Variants in CAMKMT observed in about 807,000 individuals in gnomAD.
The protein encoded by CAMKMT is calmodulin-lysine N-methyltransferase, also known as CaM KMT.
Under a neutral mutation model 48.0 loss-of-function variants are expected in CAMKMT, and 53 were observed. The ratio of observed to expected loss-of-function variants is 1.10; its 90% CI spans 0.89 to 1.39. The LOEUF (loss-of-function observed/expected upper bound fraction) is 1.39, where lower values mean the gene tolerates loss of function less well. Among genes scored for constraint, CAMKMT ranks in the 40% most tolerant of loss-of-function variants. The probability of loss-of-function intolerance (pLI) is 0.00; values close to 1 mark genes in which losing one functional copy is unlikely to be tolerated. For synonymous variants in CAMKMT, 165 were observed against 152.3 expected (o/e 1.08, Z -0.61); for missense variants, 428 against 402.7 (o/e 1.06, Z -0.54).
At chr2:44,639,004 A>G (rs1324605569) in intron 3 of CAMKMT, among the ~76,000 whole-genome samples, 5 of 152,190 alleles carry the variant, frequency 3.3e-5, no homozygotes, top group Non-Finnish European at 7.4e-5. Flanking sequence ...GTGCCACAGC[A>G]GGTTTGATCT....
At chr2:44,638,079 A>G (rs898722503) in intron 3 of CAMKMT, among the ~76,000 whole-genome samples, 1 of 151,650 alleles carries the variant, frequency 6.6e-6, no homozygotes. Context: ...AAAAGAGAAA[A>G]AGAAAAAGAA....
At chr2:44,706,684 G>C (rs1365533470) in intron 5 of CAMKMT, among the ~76,000 whole-genome samples, 1 of 151,298 alleles carries the variant, frequency 6.6e-6, no homozygotes, top group Non-Finnish European at 1.5e-5. Context: ...ATCACAGTTG[G>C]AGCACCATGA....
intron 7 of CAMKMT, among the ~76,000 whole-genome samples, chr2:44,739,881 G>A (rs1474276699): frequency 6.6e-6 from 1 of 152,102 alleles, no homozygotes; most frequent in Non-Finnish European, 1.5e-5. Context: ...GAATACTGAT[G>A]GAAGTAATCC....
intron 2 of CAMKMT, among the ~76,000 whole-genome samples, chr2:44,386,737 G>T (rs573335845): frequency 1.3e-5 from 2 of 152,032 alleles, no homozygotes; most frequent in Non-Finnish European, 2.9e-5. Flanking sequence ...TCAGTTCGAA[G>T]AATTTTTTAA....
chr2:44,553,385 C>T (rs1336120008), intron 3 of CAMKMT, among the ~76,000 whole-genome samples: 3 of 144,410 alleles, frequency 2.1e-5, no homozygotes, highest in Non-Finnish European at 4.5e-5. Context: ...TTTTTTGGGA[C>T]AGTCTCGCTC....
intron 3 of CAMKMT, among the ~76,000 whole-genome samples, chr2:44,650,624 T>C (rs1674004870): frequency 6.6e-6 from 1 of 152,206 alleles, no homozygotes; most frequent in African/African-American, 2.4e-5. Flanking sequence ...ATATGAAAGA[T>C]TACTTGATAA....
At chr2:44,403,244 T>C (rs937799565) in intron 3 of CAMKMT, among the ~76,000 whole-genome samples, 1 of 152,142 alleles carries the variant, frequency 6.6e-6, no homozygotes, top group African/African-American at 2.4e-5. Context: ...TTTTGGAAGA[T>C]GGATAAGAAG....
At chr2:44,364,011 CTTTT>C (rs10710503) in intron 1 of CAMKMT, among the ~76,000 whole-genome samples, 1 of 85,670 alleles carries the variant, frequency 1.2e-5, no homozygotes, top group Non-Finnish European at 2.2e-5. Flanking sequence ...CCCACCCTTC[CTTTT>C]TTTTTTTTTT....
At chr2:44,474,230 G>T (rs1182518919) in intron 3 of CAMKMT, among the ~76,000 whole-genome samples, 1 of 152,052 alleles carries the variant, frequency 6.6e-6, no homozygotes, top group African/African-American at 2.4e-5. Context: ...CGGATCACCT[G>T]AGGTTAGGAG....
At chr2:44,536,967 A>G (rs918925178) in intron 3 of CAMKMT, among the ~76,000 whole-genome samples, 1 of 152,198 alleles carries the variant, frequency 6.6e-6, no homozygotes, top group Admixed American at 6.5e-5. Context: ...TATGCAGAAG[A>G]ATGAAACTGG....
intron 3 of CAMKMT, among the ~76,000 whole-genome samples, chr2:44,495,288 A>T (rs772852122): frequency 6.6e-6 from 1 of 152,032 alleles, no homozygotes; most frequent in Non-Finnish European, 1.5e-5. Flanking sequence ...CTACAGGTGC[A>T]TGCCACCTGC....
chr2:44,500,523 A>T (rs896156595), intron 3 of CAMKMT, among the ~76,000 whole-genome samples: 2 of 152,274 alleles, frequency 1.3e-5, no homozygotes, highest in African/African-American at 4.8e-5. Context: ...GTTTTTAAAT[A>T]AGATAATGTA....
intron 8 of CAMKMT, among the ~76,000 whole-genome samples, chr2:44,749,271 C>T (rs779803569): frequency 9.2e-5 from 14 of 152,128 alleles, no homozygotes; most frequent in Non-Finnish European, 1.3e-4. Flanking sequence ...ATCATCAGAT[C>T]GGAAGAGAAC....
intron 3 of CAMKMT, among the ~76,000 whole-genome samples, chr2:44,682,427 C>T (rs1004797336): frequency 3.3e-5 from 5 of 152,044 alleles, no homozygotes; most frequent in African/African-American, 1.2e-4. Context: ...TAATTTTAAA[C>T]CCAATAGAAG....
intron 3 of CAMKMT, among the ~76,000 whole-genome samples, chr2:44,476,162 C>G (rs1415592402): frequency 6.6e-6 from 1 of 152,064 alleles, no homozygotes; most frequent in East Asian, 1.9e-4. Flanking sequence ...TGAGTTGATA[C>G]TGCAATTTAA....
At chr2:44,769,430 A>T (rs1350451961) in intron 10 of CAMKMT, among the ~76,000 whole-genome samples, 1 of 152,194 alleles carries the variant, frequency 6.6e-6, no homozygotes, top group Non-Finnish European at 1.5e-5. Context: ...GAGAAAAATA[A>T]AACACTTCCC....
chr2:44,519,105 C>T (rs1412494262), intron 3 of CAMKMT, among the ~76,000 whole-genome samples: 1 of 152,132 alleles, frequency 6.6e-6, no homozygotes, highest in Non-Finnish European at 1.5e-5. Flanking sequence ...GATAGATGAA[C>T]TCTTAATGCT....
intron 4 of CAMKMT, chr2:44,705,600 G>C: frequency 1.1e-6 from 1 of 917,090 alleles, no homozygotes; most frequent in Non-Finnish European, 1.3e-6. Context: ...CTTTTGAGCT[G>C]TGAAGTCAGA....
At chr2:44,507,424 C>T (rs1017503065) in intron 3 of CAMKMT, among the ~76,000 whole-genome samples, 5 of 152,056 alleles carry the variant, frequency 3.3e-5, no homozygotes, top group Non-Finnish European at 7.4e-5. Context: ...ACATTTTCTC[C>T]TTTTTATTGA....
Sources: allele counts gnomAD v4.1 joint callset (sites outside exome capture counted in the v4.1 genomes callset), GRCh38; gene constraint gnomAD v4.1.1; transcripts MANE v1.5; gene names NCBI Gene and HGNC (gene_info 2026-07-23, HGNC 2026-07-21).